The following SLC5A6 variants were observed in gnomAD, a reference collection of about 807,000 sequenced individuals.
SLC5A6 encodes solute carrier family 5 member 6, also known as sodium-dependent multivitamin transporter.
In SLC5A6, 31 loss-of-function variants were observed where a neutral mutation model predicts 67.9. The observed-to-expected ratio is 0.46, with a 90% CI of 0.34 to 0.62. The LOEUF (loss-of-function observed/expected upper bound fraction) is 0.62, where lower values mean the gene tolerates loss of function less well. SLC5A6 is among the 20% of genes least tolerant of loss of function. The probability of loss-of-function intolerance (pLI) is 0.01; values close to 1 mark genes in which losing one functional copy is unlikely to be tolerated. For missense variants in SLC5A6, 673 were observed against 812.8 expected, an observed-to-expected ratio of 0.83 and a Z score of 2.09; for synonymous variants, 343 against 331.0, an observed-to-expected ratio of 1.04 and a Z score of -0.39.
Position 27,207,943 on chromosome 2 carries a change from A to G in SLC5A6, c.-140-153T>C, listed in dbSNP as rs1368391143. ...CCCTGGTATGGGTTTGGTAGGGGAC[A>G]TAAGTGAGGGAGAAGCATCAGAGTG... On this transcript the variant is annotated intron_variant, in intron 2 of 16. Coordinates refer to ENST00000310574, the MANE Select transcript of SLC5A6 (RefSeq NM_021095.4). The surrounding 1 kb of genome is among the most constrained non-coding windows in gnomAD (Gnocchi z 5.5). 6.6e-6 allele frequency among the ~76,000 whole-genome samples: 1 copy of G among 152,220 alleles called. No homozygotes were observed.
chr2:27,211,615 T>G (rs1047057480), intron 1 of SLC5A6, 82 bp from the exon 2 acceptor site: 1 of 152,866 alleles, frequency 6.5e-6, no homozygotes, highest in African/African-American at 2.4e-5. Flanking sequence ...CTATGCGCTA[T>G]CAGCATTGAG....
rs771195362 is a variant in SLC5A6, at chr2:27,200,555, G to T, written c.1789C>A (p.Pro597Thr). 1 of 1,613,680 alleles carries T rather than the reference G, an allele frequency of 6.2e-7. No individual in the cohort carries two copies. The highest frequency in any genetic ancestry group is 1.3e-5 in the African/African-American group (1 of 74,902). Residue 597 changes from proline (P) to threonine (T), a missense_variant, in exon 17 of 17, where the codon CCT (proline) becomes ACT (threonine). By Grantham distance (38) the Pro-to-Thr change is conservative (BLOSUM62 -1). Coordinates refer to ENST00000310574, the MANE Select transcript of SLC5A6 (RefSeq NM_021095.4). ...AGCACACCATTCCTCGGCTTCTCAG[G>T]AAACAGGCCAGTGTCGAGGTGGTCC... is the stretch of plus-strand genomic sequence containing the variant. The part of the protein sequence containing the change: ...GQDHLDTGLF[P>T]EKPRNGVLGD...
Position 27,201,449 on chromosome 2 carries a change from T to C in SLC5A6, c.1549A>G (p.Thr517Ala), listed in dbSNP as rs1673627413. ...AAGGAATAGAACCGCTGCAGCCCTGTGGGCCTGGGAAGAGCAGAGGTGAGA... is the reference window on the plus strand; with the variant it reads ...AAGGAATAGAACCGCTGCAGCCCTGCGGGCCTGGGAAGAGCAGAGGTGAGA... ...LMPLTTFSKP[T>A]GLQRFYSLSY... Residue 517 changes from threonine (T) to alanine (A), a missense_variant, in exon 15 of 17, where the codon ACA (threonine) becomes GCA (alanine). Thr to Ala is a moderately conservative substitution (Grantham distance 58). Coordinates refer to ENST00000310574, the MANE Select transcript of SLC5A6 (RefSeq NM_021095.4). 1.2e-6 allele frequency: 2 copies of C among 1,607,016 alleles called. No individual in the cohort carries two copies. Among genetic ancestry groups the C allele is most frequent in the African/African-American group, 1.3e-5 (1 of 74,896 alleles).
chr2:27,203,011 C>G, intron 11 of SLC5A6, 131 bp from the exon 12 acceptor site: 1 of 1,519,888 alleles, frequency 6.6e-7, no homozygotes, highest in African/African-American at 1.4e-5. Context: ...TTACATCACG[C>G]CCCAGCTTCC....
chr2:27,203,198 A>T (rs1345487839), intron 11 of SLC5A6, 35 bp downstream of exon 11: 6 of 1,613,218 alleles, frequency 3.7e-6, no homozygotes, highest in African/African-American at 2.7e-5. Context: ...GCTTAGAAAG[A>T]CCCAGACTGA....
At chr2:27,200,962 A>G (rs1287220751) in intron 16 of SLC5A6, 36 bp downstream of exon 16, 1 of 1,339,082 alleles carries the variant, frequency 7.5e-7, no homozygotes, top group East Asian at 2.3e-5. Flanking sequence ...TCTGTGGAGA[A>G]GGGCAGGGAG....
chr2:27,201,372 G>C lies in SLC5A6; in HGVS notation c.1626C>G (p.Gly542=). Residue 542 remains glycine, a synonymous_variant, in exon 15 of 17, where the codon GGC becomes GGG. Coordinates refer to ENST00000310574, the MANE Select transcript of SLC5A6 (RefSeq NM_021095.4). The part of the protein sequence containing the change: ...AHNSTTVIVV[G]LIVSLLTGRM... ...TACCAGTGAGTAGACTGACAATCAG[G>C]CCCACCACAATCACTGTGGTGGAGT... is the stretch of plus-strand genomic sequence containing the variant. 1 of 1,607,568 alleles carries C rather than the reference G, an allele frequency of 6.2e-7. No homozygotes were observed. Among genetic ancestry groups the C allele is most frequent in the Non-Finnish European group, 8.5e-7 (1 of 1,174,068 alleles).
chr2:27,204,896 C>T lies in SLC5A6; in HGVS notation c.770G>A (p.Trp257Ter). 1 of 1,614,062 alleles carries T rather than the reference C, an allele frequency of 6.2e-7. No homozygotes were observed. Among genetic ancestry groups the T allele is most frequent in the Non-Finnish European group, 8.5e-7 (1 of 1,180,022 alleles). ...GAAGACACCCCCGAAGGCCAAGGTC[C>T]AGAAGGTGTGCCGCACAAAGGGGTC... is the stretch of plus-strand genomic sequence containing the variant. Reference protein sequence around the residue: ...DPDPFVRHTFWTLAFGGVFMM... With the variant: ...DPDPFVRHTF The change falls in exon 8 of 17, where the codon TGG becomes TAG. Residue 257 changes from tryptophan to a stop codon, truncating the protein, a stop_gained. Transcript: ENST00000310574. LOFTEE classifies it high-confidence loss of function.
Position 27,203,759 on chromosome 2 carries a change from G to A in SLC5A6, c.1094+20C>T. The A allele has an allele frequency of 1.3e-6, 2 of 1,594,750 alleles. No individual in the cohort carries two copies. Among genetic ancestry groups the A allele is most frequent in the South Asian group, 1.1e-5 (1 of 90,666 alleles). On this transcript the variant is annotated intron_variant, in intron 10 of 16. Transcript: ENST00000310574. ...GGGGTCAGGTGCACCAGGCCTGAGG[G>A]AAATCGTTAAAGTGGGTACCTGAGA...
At chr2:27,201,934 A>G in intron 13 of SLC5A6, 54 bp downstream of exon 13, 1 of 1,606,694 alleles carries the variant, frequency 6.2e-7, no homozygotes, top group Non-Finnish European at 8.5e-7. Flanking sequence ...CAGCCCTGCC[A>G]ACCCCCAGGT....
At chr2:27,212,583 A>T (rs1674626904), upstream of SLC5A6, 2 of 1,458,608 alleles carry the variant, frequency 1.4e-6, no homozygotes, top group South Asian at 1.4e-5. Flanking sequence ...TTCGTCCCTG[A>T]CGCTTCCCGA....
At chr2:27,205,605 T>C (rs1366236609) in intron 6 of SLC5A6, 101 bp from the exon 7 acceptor site, 31 of 1,448,900 alleles carry the variant, frequency 2.1e-5, no homozygotes, top group Admixed American at 3.8e-5. Context: ...TGTTTTGTTT[T>C]GTTTTAGGCT....
chr2:27,200,062 C>T lies in SLC5A6; in HGVS notation c.*374G>A, dbSNP rs1036665889. ...GGTGGAGAGTCAGTCCTGAATCAGG[C>T]CCTGGGGCAATTATAACCAGAGTGC... On this transcript the variant is annotated 3_prime_UTR_variant, in exon 17 of 17. Transcript: ENST00000310574. 1 of 166,104 alleles carries T rather than the reference C, an allele frequency of 6.0e-6. No homozygotes were observed. Among genetic ancestry groups the T allele is most frequent in the Non-Finnish European group, 1.3e-5 (1 of 76,910 alleles). The allele number at this position is 166,104 out of a possible 1,614,324, so 10.3% of individuals were successfully genotyped here. A position where few individuals can be genotyped will look rare whatever the true frequency, so the allele number is the denominator to read the frequency against.
Position 27,199,737 on chromosome 2 carries a change from C to T in SLC5A6, c.*699G>A, listed in dbSNP as rs7081. 123,729 of 152,636 alleles carry T rather than the reference C, an allele frequency of 0.81. 53,336 individuals carry two copies. Among genetic ancestry groups the T allele is most frequent in the East Asian group, 1 (5,309 of 5,320 alleles). The allele number at this position is 152,636 out of a possible 1,614,324, so 9.5% of individuals were successfully genotyped here. On this transcript the variant is annotated 3_prime_UTR_variant, in exon 17 of 17. Coordinates refer to ENST00000310574, the MANE Select transcript of SLC5A6 (RefSeq NM_021095.4). ...ATAGATGGCTGCTCCACAGTGGACC[C>T]GGTCATGGCCCTGGTTTCTTGGATC...
chr2:27,211,165 G>T (rs555273191), intron 2 of SLC5A6, among the ~76,000 whole-genome samples: 2 of 152,190 alleles, frequency 1.3e-5, no homozygotes, highest in South Asian at 4.1e-4. Flanking sequence ...TCTGTCCTGG[G>T]GCCTATAATT....
chr2:27,209,120 AAGGCTCAGATGGTTC>A (rs1223676503), intron 2 of SLC5A6, among the ~76,000 whole-genome samples: 36 of 152,348 alleles, frequency 2.4e-4, no homozygotes, highest in African/African-American at 8.4e-4. Flanking sequence ...TAAACACGCT[AAGGCTCAGATGGTTC>A]AAGTGACCTT....
chr2:27,209,969 G>A (rs1227648196), intron 2 of SLC5A6, among the ~76,000 whole-genome samples: 1 of 152,146 alleles, frequency 6.6e-6, no homozygotes, highest in African/African-American at 2.4e-5. Context: ...ATTCGTCTTT[G>A]GCAAGTTTTT....
chr2:27,203,131 T>C, intron 11 of SLC5A6, 102 bp downstream of exon 11: 8 of 1,570,030 alleles, frequency 5.1e-6, no homozygotes, highest in Non-Finnish European at 6.0e-6. Flanking sequence ...AGGCAAGTGC[T>C]GAGCCCCGGA....
chr2:27,202,197 T>C (rs1264237837), intron 12 of SLC5A6, 123 bp from the exon 13 acceptor site: 2 of 759,022 alleles, frequency 2.6e-6, no homozygotes, highest in Non-Finnish European at 2.3e-6. Context: ...GTCTCTTCTG[T>C]GGGAACAATC....
Sources: gnomAD v4.1 joint callset for allele counts (sites outside exome capture counted in the v4.1 genomes callset) on GRCh38, gnomAD v4.1.1 for gene constraint, Gnocchi (gnomAD v3.1) non-coding constraint, MANE v1.5 for transcripts, NCBI Gene and HGNC (gene_info 2026-07-23, HGNC 2026-07-21) for gene names.